The following DLGAP2 variants were observed in gnomAD, a reference collection of about 807,000 sequenced individuals.
The protein encoded by DLGAP2 is disks large-associated protein 2.
DLGAP2 carries 26 observed loss-of-function variants against 100.3 expected under a neutral mutation model. The observed-to-expected ratio is 0.26, with a 90% confidence interval of 0.19 to 0.36. The LOEUF (loss-of-function observed/expected upper bound fraction) is 0.36. DLGAP2 is among the 10% of genes least tolerant of loss of function. DLGAP2 has a pLI of 1.00. For missense variants in DLGAP2, 1,858 were observed against 1,453.2 expected (o/e 1.28, Z -4.53); for synonymous variants, 886 against 630.1 (o/e 1.41, Z -6.08).
chr8:1,287,471 C>CGTGTGTGTGT (rs764935176), intron 3 of DLGAP2, among the ~76,000 whole-genome samples: 4 of 23,322 alleles, frequency 1.7e-4, no homozygotes, highest in African/African-American at 3.1e-4. Flanking sequence ...TTCGGTTCAG[C>CGTGTGTGTGT]GTGTGTGTGT....
At chr8:1,127,317 C>CA (rs1186124255) in intron 2 of DLGAP2, among the ~76,000 whole-genome samples, 3 of 151,998 alleles carry the variant, frequency 2.0e-5, no homozygotes, top group Non-Finnish European at 4.4e-5. Flanking sequence ...CTGAGTGCTA[C>CA]AGCCACCATG....
chr8:1,314,465 G>T (rs1378531733), intron 3 of DLGAP2, among the ~76,000 whole-genome samples: 1 of 152,222 alleles, frequency 6.6e-6, no homozygotes, highest in Non-Finnish European at 1.5e-5. Context: ...TGTCTGTGCT[G>T]TAACAAAAGC....
At chr8:1,472,941 A>AG (rs1554478919) in intron 3 of DLGAP2, among the ~76,000 whole-genome samples, 1 of 150,508 alleles carries the variant, frequency 6.6e-6, no homozygotes, top group African/African-American at 2.4e-5. Context: ...AATTCACACA[A>AG]TTTTTTTTTT....
chr8:1,332,006 A>G (rs1052396758), intron 3 of DLGAP2, among the ~76,000 whole-genome samples: 6 of 152,202 alleles, frequency 3.9e-5, no homozygotes, highest in African/African-American at 1.2e-4. Flanking sequence ...GGCTGGCAGC[A>G]CACGGCAGCG....
chr8:1,626,747 T>G lies in DLGAP2; in HGVS notation c.1450T>G (p.Tyr484Asp), dbSNP rs866490129. The change falls in exon 7 of 15, where the codon TAC (tyrosine) becomes GAC (aspartate). Residue 484 changes from tyrosine to aspartate, a missense_variant. Physicochemically the swap from Tyr to Asp is radical, Grantham distance 160. Transcript: ENST00000637795. ...RPLGEHQTQT[Y>D]LQAASDVPVG... is the part of the protein sequence containing the mutation. ...CTTTCTTCTTTCCTGTAGCCAGACC[T>G]ACCTGCAAGCTGCAAGCGATGTGCC... 6.2e-7 allele frequency: 1 copy of G among 1,601,286 alleles called. No homozygotes were observed. The highest frequency in any genetic ancestry group is 1.3e-5 in the African/African-American group (1 of 74,730).
intron 4 of DLGAP2, among the ~76,000 whole-genome samples, chr8:1,524,475 C>T (rs575540915): frequency 3.8e-4 from 58 of 152,226 alleles, no homozygotes; most frequent in African/African-American, 1.3e-3. Flanking sequence ...GCTTAAACAA[C>T]GGACGTTGAT....
At position 1,268,191 on chromosome 8, in the gene DLGAP2, C is replaced by A. The variant is rs116355447; in HGVS notation, c.106+9308C>A. 3.8e-3 allele frequency among the ~76,000 whole-genome samples: 573 copies of A among 152,232 alleles called. 3 individuals carry two copies. The highest frequency in any genetic ancestry group is 0.013 in the African/African-American group (547 of 41,538). ...TCTGGCATTGAAACAATTTTACCTC[C>A]ATGATAGTCTCAGGAATACATAAAT... On this transcript the variant is annotated intron_variant, in intron 3 of 14. Coordinates refer to ENST00000637795, the MANE Select transcript of DLGAP2 (RefSeq NM_001346810.2).
At chr8:912,703 G>A (rs943761875) in intron 2 of DLGAP2, among the ~76,000 whole-genome samples, 2 of 144,344 alleles carry the variant, frequency 1.4e-5, no homozygotes, top group African/African-American at 2.5e-5. Flanking sequence ...CGTGGTGCCC[G>A]CCTTCCTCTC....
intron 2 of DLGAP2, among the ~76,000 whole-genome samples, chr8:1,116,978 G>A (rs1805137970): frequency 6.6e-6 from 1 of 152,162 alleles, no homozygotes; most frequent in Non-Finnish European, 1.5e-5. Context: ...TCCCAGGATC[G>A]CTTCTGCCAA....
chr8:946,187 A>G (rs1799314781), intron 2 of DLGAP2, among the ~76,000 whole-genome samples: 1 of 150,920 alleles, frequency 6.6e-6, no homozygotes, highest in East Asian at 2.0e-4. Flanking sequence ...TCACACATTG[A>G]TTGTCATCTG....
chr8:1,648,155 G>A (rs1363196141), intron 8 of DLGAP2, among the ~76,000 whole-genome samples: 3 of 152,184 alleles, frequency 2.0e-5, no homozygotes, highest in Non-Finnish European at 4.4e-5. Context: ...ATTTACAGTT[G>A]ATAAGCTCTT....
At chr8:1,680,481 T>C (rs987635543) in intron 12 of DLGAP2, 5 of 152,232 alleles carry the variant, frequency 3.3e-5, no homozygotes, top group African/African-American at 1.2e-4. Flanking sequence ...AGACATTGCC[T>C]TTAATTGACT....
At chr8:749,274 A>G (rs1337594503) in intron 1 of DLGAP2, among the ~76,000 whole-genome samples, 1 of 152,254 alleles carries the variant, frequency 6.6e-6, no homozygotes, top group Non-Finnish European at 1.5e-5. Context: ...TACAGGCATC[A>G]GCCATTGCAC....
intron 2 of DLGAP2, among the ~76,000 whole-genome samples, chr8:930,687 GC>G (rs1054732426): frequency 3.2e-5 from 4 of 126,322 alleles, no homozygotes; most frequent in African/African-American, 5.8e-5. Context: ...GTGCAGGTGT[GC>G]GGGGATTGGG....
At position 1,464,303 on chromosome 8, in the gene DLGAP2, ACCCTTCCAGGACAACG is replaced by A. The variant is rs1183961131; in HGVS notation, c.107-37050_107-37035del. On this transcript the variant is annotated intron_variant, in intron 3 of 14. Coordinates refer to ENST00000637795, the MANE Select transcript of DLGAP2 (RefSeq NM_001346810.2). ...CAGGACAACGCCCTTCCAGGATGGC[ACCCTTCCAGGACAACG>A]CCCTTCCAGGACGGCACCCTTCCAG... Among the ~76,000 whole-genome samples, 8 of 41,274 alleles carry A rather than the reference ACCCTTCCAGGACAACG, an allele frequency of 1.9e-4. 3 individuals carry two copies. In the South Asian group the frequency reaches 5.3e-3, roughly 27 times the overall value. The allele number at this position is 41,274 out of a possible 152,430, so 27.1% of individuals were successfully genotyped here. A position where few individuals can be genotyped will look rare whatever the true frequency, so the allele number is the denominator to read the frequency against.
chr8:1,583,479 G>T (rs6993578), intron 6 of DLGAP2, among the ~76,000 whole-genome samples: 25,895 of 152,184 alleles, frequency 0.17, 2,809 homozygotes, highest in East Asian at 0.48. Context: ...CTGTGCCTCC[G>T]TAGGCAGGGA....
At chr8:1,177,780 G>T (rs1052823388) in intron 2 of DLGAP2, among the ~76,000 whole-genome samples, 3 of 152,168 alleles carry the variant, frequency 2.0e-5, no homozygotes, top group Non-Finnish European at 4.4e-5. Context: ...CACACCTGCT[G>T]TGCCCTCACA....
At chr8:1,595,430 G>A (rs929732953) in intron 6 of DLGAP2, among the ~76,000 whole-genome samples, 1 of 151,784 alleles carries the variant, frequency 6.6e-6, no homozygotes, top group Non-Finnish European at 1.5e-5. Context: ...TTGGGAGGCC[G>A]AGGCGGGTGG....
chr8:954,377 G>T (rs1799550060), intron 2 of DLGAP2, among the ~76,000 whole-genome samples: 2 of 152,140 alleles, frequency 1.3e-5, no homozygotes, highest in Admixed American at 1.3e-4. Context: ...CAGCCCCTAG[G>T]AGAAACTCTT....
Sources: gnomAD v4.1 joint callset for allele counts (sites outside exome capture counted in the v4.1 genomes callset) on GRCh38, gnomAD v4.1.1 for gene constraint, MANE v1.5 for transcripts, NCBI Gene and HGNC (gene_info 2026-07-23, HGNC 2026-07-21) for gene names.